TPM4: variants seen among roughly 807,000 people sequenced by gnomAD.
TPM4 encodes tropomyosin alpha-4 chain.
In TPM4, 17 loss-of-function variants were observed where a neutral mutation model predicts 35.8. The ratio of observed to expected loss-of-function variants is 0.47; its 90% confidence interval spans 0.32 to 0.71. The LOEUF (loss-of-function observed/expected upper bound fraction) is 0.71, where lower values mean the gene tolerates loss of function less well. TPM4 is among the 30% of genes least tolerant of loss of function. TPM4 has a pLI of 0.03. For missense variants in TPM4, 240 were observed against 320.9 expected (o/e 0.75, Z 1.93); for synonymous variants, 120 against 122.9 (o/e 0.98, Z 0.15).
chr19:16,072,141 C>A (rs1031361292), upstream of TPM4, among the ~76,000 whole-genome samples: 3 of 152,338 alleles, frequency 2.0e-5, no homozygotes, highest in Middle Eastern at 3.4e-3. Flanking sequence ...TTTATCCTCA[C>A]TGCCTACCAC....
At chr19:16,089,720 A>G (rs906307216) in intron 5 of TPM4, among the ~76,000 whole-genome samples, 5 of 148,054 alleles carry the variant, frequency 3.4e-5, no homozygotes, top group African/African-American at 1.3e-4. Context: ...CCAGGCTGGA[A>G]TTCAGTGGCA....
chr19:16,075,663 G>A (rs753880889), upstream of TPM4: 11 of 176,794 alleles, frequency 6.2e-5, no homozygotes, highest in Non-Finnish European at 1.2e-4. Flanking sequence ...AGGGATGGGC[G>A]GAGGGATCCA....
chr19:16,088,600 C>G, intron 4 of TPM4: 3 of 1,039,314 alleles, frequency 2.9e-6, no homozygotes, highest in Non-Finnish European at 2.3e-6. Context: ...TTCAGCCCCA[C>G]AGAGCATCCG....
chr19:16,076,302 A>G, upstream of TPM4: 1 of 1,511,992 alleles, frequency 6.6e-7, no homozygotes, highest in African/African-American at 1.4e-5. Context: ...CGCTTTCTCC[A>G]AATAAGTCCC....
upstream of TPM4, among the ~76,000 whole-genome samples, chr19:16,073,423 G>A (rs576637781): frequency 5.9e-5 from 9 of 152,324 alleles, no homozygotes; most frequent in Admixed American, 4.6e-4. Flanking sequence ...CAAGGCAGAA[G>A]TTCAAAAGCA....
upstream of TPM4, among the ~76,000 whole-genome samples, chr19:16,071,898 A>G (rs2090359769): frequency 2.6e-5 from 4 of 152,110 alleles, no homozygotes; most frequent in Admixed American, 2.6e-4. Context: ...CCAAGGCCCC[A>G]TTTGCAGGGA....
At chr19:16,072,155 AG>A (rs1295035907), upstream of TPM4, among the ~76,000 whole-genome samples, 2 of 152,190 alleles carry the variant, frequency 1.3e-5, no homozygotes, top group Non-Finnish European at 2.9e-5. Context: ...CTACCACTGA[AG>A]GGTTTGGGGT....
chr19:16,097,416 A>G (rs971037736), intron 7 of TPM4, among the ~76,000 whole-genome samples: 7 of 152,066 alleles, frequency 4.6e-5, no homozygotes, highest in African/African-American at 1.7e-4. Flanking sequence ...CTGGGACTAC[A>G]GGCATGCGCC....
At position 16,099,488 on chromosome 19, in the gene TPM4, G is replaced by C. The variant is rs1015812710; in HGVS notation, c.665-1776G>C. Reference sequence around the variant, plus strand: ...AGTCCCAGCTACTTGGGAGGCTGAGGTAGAAGGATCACTTGAGCCCAGGAG... The same window carrying C: ...AGTCCCAGCTACTTGGGAGGCTGAGCTAGAAGGATCACTTGAGCCCAGGAG... On this transcript the variant is annotated intron_variant, in intron 7 of 7. Transcript: ENST00000643579. Among the ~76,000 whole-genome samples the C allele has an allele frequency of 9.2e-5, 14 of 152,190 alleles. 1 individual carries two copies. The highest frequency in any genetic ancestry group is 3.4e-4 in the African/African-American group (14 of 41,570).
At chr19:16,072,122 C>G (rs1241121734), upstream of TPM4, among the ~76,000 whole-genome samples, 3 of 152,222 alleles carry the variant, frequency 2.0e-5, no homozygotes, top group Non-Finnish European at 4.4e-5. Flanking sequence ...GCCCAGCTCT[C>G]ATTTATTTTT....
intron 1 of TPM4, chr19:16,081,209 A>G (rs2090478230): frequency 1.0e-5 from 4 of 396,078 alleles, no homozygotes; most frequent in East Asian, 7.1e-5. Context: ...AGAATCTCAC[A>G]GTGAGCCCTA....
intron 1 of TPM4, chr19:16,080,470 G>A (rs2090469263): frequency 1.0e-5 from 2 of 193,660 alleles, no homozygotes; most frequent in Admixed American, 6.1e-5. Flanking sequence ...GGGATGGAGA[G>A]GGCCAGGATG....
chr19:16,101,396 C>T lies in TPM4; in HGVS notation c.*50C>T, dbSNP rs946215432. 2 of 1,396,456 alleles carry T rather than the reference C, an allele frequency of 1.4e-6. No homozygotes were observed. Among genetic ancestry groups the T allele is most frequent in the Admixed American group, 5.3e-5 (2 of 37,950 alleles). The allele number at this position is 1,396,456 out of a possible 1,614,324, so 86.5% of individuals were successfully genotyped here. On this transcript the variant is annotated 3_prime_UTR_variant, in exon 8 of 8. Coordinates refer to ENST00000643579, the MANE Select transcript of TPM4 (RefSeq NM_003290.3). The stretch of plus-strand genomic sequence containing the variant: ...ACAGAAACTCTGGAGCTCCGTGGGT[C>T]TTTCTCTTCTCTTGTAAGAAGTTCC...
chr19:16,069,780 AT>A (rs2090338595), intron 2 of TPM4, among the ~76,000 whole-genome samples: 1 of 142,958 alleles, frequency 7.0e-6, no homozygotes, highest in Admixed American at 6.9e-5. Flanking sequence ...GTGTGTTTCG[AT>A]TGGTGTGTGT....
intron 1 of TPM4, chr19:16,080,733 C>G (rs543749032): frequency 3.5e-6 from 1 of 286,550 alleles, no homozygotes. Flanking sequence ...TGCTTGAACC[C>G]GGGAGGTAGA....
At chr19:16,089,693 G>A (rs2090602459) in intron 5 of TPM4, among the ~76,000 whole-genome samples, 1 of 137,682 alleles carries the variant, frequency 7.3e-6, no homozygotes, top group Non-Finnish European at 1.5e-5. Flanking sequence ...TTTTGAGACA[G>A]AGCTTCGCTC....
intron 2 of TPM4, among the ~76,000 whole-genome samples, chr19:16,068,714 C>T (rs775159069): frequency 2.0e-5 from 3 of 151,850 alleles, no homozygotes; most frequent in East Asian, 1.9e-4. Context: ...AGCATTTCTG[C>T]GTGTGTGTGT....
rs943140156 is a variant in TPM4 at position 16,081,797 on chromosome 19, T to C, written c.133-116T>C. The C allele has an allele frequency of 3.2e-5, 43 of 1,359,222 alleles. No individual in the cohort carries two copies. In the African/African-American group the frequency reaches 5.3e-4, roughly 17 times the overall value. The allele number at this position is 1,359,222 out of a possible 1,614,324, so 84.2% of individuals were successfully genotyped here. A position where few individuals can be genotyped will look rare whatever the true frequency, so the allele number is the denominator to read the frequency against. On this transcript the variant is annotated intron_variant, in intron 1 of 7. Coordinates refer to ENST00000643579, the MANE Select transcript of TPM4 (RefSeq NM_003290.3). ...AGTGTAAATTCCCTATGGCCTGGAC[T>C]CCTGGGTGGGCTTTGACGGGGAAGA...
At chr19:16,082,789 C>A (rs1451582729) in intron 2 of TPM4, among the ~76,000 whole-genome samples, 1 of 151,942 alleles carries the variant, frequency 6.6e-6, no homozygotes, top group East Asian at 1.9e-4. Context: ...CTCAGGAGTT[C>A]AAGACCAACT....
Sources: allele counts gnomAD v4.1 joint callset (sites outside exome capture counted in the v4.1 genomes callset), GRCh38; gene constraint gnomAD v4.1.1; transcripts MANE v1.5; gene names NCBI Gene and HGNC (gene_info 2026-07-23, HGNC 2026-07-21).